COL4A2: variants seen among roughly 807,000 people sequenced by gnomAD.
COL4A2 encodes the protein collagen type IV alpha 2 chain.
COL4A2 carries 99 observed loss-of-function variants against 200.2 expected under a neutral mutation model. The ratio of observed to expected loss-of-function variants is 0.49; its 90% CI spans 0.42 to 0.58. COL4A2 has a LOEUF of 0.58. Among genes scored for constraint, COL4A2 ranks in the 20% least tolerant of loss-of-function variants. The pLI is 0.00. For synonymous variants in COL4A2, 897 were observed against 900.6 expected (o/e 1.00, Z 0.07); for missense variants, 1,950 against 2,314.1 (o/e 0.84, Z 3.23).
chr13:110,392,265 C>T (rs1879015815), intron 4 of COL4A2, among the ~76,000 whole-genome samples: 1 of 152,146 alleles, frequency 6.6e-6, no homozygotes, highest in South Asian at 2.1e-4. Context: ...GTCTAAAGAA[C>T]TGATTTATTC....
chr13:110,390,376 C>A (rs1225105453), intron 4 of COL4A2, among the ~76,000 whole-genome samples: 2 of 152,346 alleles, frequency 1.3e-5, no homozygotes, highest in East Asian at 1.9e-4. Context: ...CACGCAGTGA[C>A]CCTGCACAGG....
rs772772870 is a variant in COL4A2 at position 110,307,986 on chromosome 13, G to T, written c.44+39G>T. The T allele has an allele frequency of 1.9e-6, 3 of 1,611,708 alleles. No homozygotes were observed. The African/African-American group carries it at 4.0e-5, about 22-fold the overall frequency. Reference sequence around the variant, plus strand: ...TGCCTGGTCCCCGTGGGTCACGCGCGCATGGACCCTTCGGTGTAACTCTCG... The same window carrying T: ...TGCCTGGTCCCCGTGGGTCACGCGCTCATGGACCCTTCGGTGTAACTCTCG... On this transcript the variant is annotated intron_variant, in intron 2 of 47. Transcript: ENST00000360467. The surrounding 1 kb of genome is among the most constrained non-coding windows in gnomAD (Gnocchi z 5.0).
intron 4 of COL4A2, among the ~76,000 whole-genome samples, chr13:110,375,651 G>A (rs186232924): frequency 8.5e-5 from 13 of 152,248 alleles, no homozygotes; most frequent in South Asian, 2.1e-4. Flanking sequence ...CCAACATGGC[G>A]AAACCTCTTC....
chr13:110,353,374 C>T (rs1006852194), intron 3 of COL4A2, among the ~76,000 whole-genome samples: 2 of 152,108 alleles, frequency 1.3e-5, no homozygotes, highest in African/African-American at 4.8e-5. Context: ...CTTTGATTTG[C>T]GTTAAGCAGT....
chr13:110,334,428 C>T (rs1876075826), intron 3 of COL4A2, among the ~76,000 whole-genome samples: 1 of 152,230 alleles, frequency 6.6e-6, no homozygotes, highest in Non-Finnish European at 1.5e-5. Flanking sequence ...CACAGAGCAG[C>T]CGTCTGCCTG....
chr13:110,374,288 A>C (rs1878143674), intron 4 of COL4A2, among the ~76,000 whole-genome samples: 1 of 152,216 alleles, frequency 6.6e-6, no homozygotes, highest in Admixed American at 6.5e-5. Context: ...TGAGCTGCCC[A>C]AAATCACATC....
chr13:110,468,315 C>G (rs1882331165), intron 27 of COL4A2: 6 of 467,798 alleles, frequency 1.3e-5, no homozygotes, highest in South Asian at 9.3e-5. Flanking sequence ...TAGACCTGCC[C>G]CCGGTCTAAT....
At chr13:110,434,988 C>G (rs544123774) in intron 12 of COL4A2, among the ~76,000 whole-genome samples, 1 of 152,218 alleles carries the variant, frequency 6.6e-6, no homozygotes, top group Non-Finnish European at 1.5e-5. Flanking sequence ...ACCCCGCAAG[C>G]AAAACCTCAC....
chr13:110,420,620 T>A (rs1177595823), intron 4 of COL4A2, among the ~76,000 whole-genome samples: 1 of 152,248 alleles, frequency 6.6e-6, no homozygotes, highest in Admixed American at 6.5e-5. Context: ...TTAATGTCAC[T>A]TATCACAAAA....
At chr13:110,394,254 C>A (rs150718315) in intron 4 of COL4A2, among the ~76,000 whole-genome samples, 1 of 152,110 alleles carries the variant, frequency 6.6e-6, no homozygotes, top group Admixed American at 6.5e-5. Context: ...TCTGTGTGTG[C>A]GTGTGTGTGT....
At chr13:110,310,185 A>G (rs1424554631) in intron 3 of COL4A2, among the ~76,000 whole-genome samples, 4 of 151,836 alleles carry the variant, frequency 2.6e-5, no homozygotes, top group Non-Finnish European at 5.9e-5. Context: ...AGTCTCTTTG[A>G]CTCTTTGATC....
chr13:110,416,834 C>T (rs930930278), intron 4 of COL4A2, among the ~76,000 whole-genome samples: 1 of 152,260 alleles, frequency 6.6e-6, no homozygotes, highest in Non-Finnish European at 1.5e-5. Flanking sequence ...GAATCTAATT[C>T]GGTCCTGACC....
chr13:110,407,315 G>A (rs1022998405), intron 4 of COL4A2, among the ~76,000 whole-genome samples: 6 of 152,210 alleles, frequency 3.9e-5, no homozygotes, highest in Non-Finnish European at 8.8e-5. Context: ...CGTCAGTTCA[G>A]TTCACCAGGA....
At chr13:110,492,524 GCACGGGC>G (rs776672038) in intron 38 of COL4A2, among the ~76,000 whole-genome samples, 30 of 152,196 alleles carry the variant, frequency 2.0e-4, no homozygotes, top group Non-Finnish European at 3.8e-4. Flanking sequence ...CCACTGTGCT[GCACGGGC>G]CACCCCCGGG....
At chr13:110,465,720 TG>T (rs1301220326) in intron 25 of COL4A2, 114 bp downstream of exon 25, 1 of 1,043,864 alleles carries the variant, frequency 9.6e-7, no homozygotes, top group Non-Finnish European at 1.4e-6. Flanking sequence ...TTGCCTCATC[TG>T]TTCTCGCACG....
chr13:110,340,102 G>A (rs903409078), intron 3 of COL4A2, among the ~76,000 whole-genome samples: 2 of 152,198 alleles, frequency 1.3e-5, no homozygotes, highest in African/African-American at 4.8e-5. Context: ...GGCACCTGGT[G>A]CCCCTGCAGA....
At chr13:110,335,463 T>G (rs1022143331) in intron 3 of COL4A2, among the ~76,000 whole-genome samples, 6 of 152,210 alleles carry the variant, frequency 3.9e-5, no homozygotes, top group Admixed American at 3.3e-4. Flanking sequence ...CACTCTCTCT[T>G]GTCTGCCACC....
chr13:110,475,708 G>A (rs563225068), intron 29 of COL4A2, among the ~76,000 whole-genome samples: 9 of 152,346 alleles, frequency 5.9e-5, no homozygotes, highest in African/African-American at 1.7e-4. Context: ...AGCGTGCAGC[G>A]GGTCCTGCTT....
chr13:110,354,277 A>G (rs2139383896), intron 3 of COL4A2, among the ~76,000 whole-genome samples: 1 of 152,226 alleles, frequency 6.6e-6, no homozygotes, highest in Middle Eastern at 3.4e-3. Flanking sequence ...GCGCCTGTTC[A>G]TGCCTCCCTC....
Sources: gnomAD v4.1 joint callset for allele counts (sites outside exome capture counted in the v4.1 genomes callset) on GRCh38, gnomAD v4.1.1 for gene constraint, Gnocchi (gnomAD v3.1) non-coding constraint, MANE v1.5 for transcripts, NCBI Gene and HGNC (gene_info 2026-07-23, HGNC 2026-07-21) for gene names.